Variants in TAMM41 observed in about 807,000 individuals in gnomAD.
The protein encoded by TAMM41 is TAM41 mitochondrial translocator assembly and maintenance homolog, also known as phosphatidate cytidylyltransferase, mitochondrial.
Under a neutral mutation model 44.1 loss-of-function variants are expected in TAMM41, and 36 were observed. That is an observed-to-expected ratio of 0.82 (90% CI 0.63 to 1.08). TAMM41 has a LOEUF of 1.08. Among genes scored for constraint, TAMM41 ranks in the 50% least tolerant of loss-of-function variants. TAMM41 has a pLI of 0.00. For missense variants in TAMM41, 417 were observed against 404.3 expected (o/e 1.03, Z -0.27); for synonymous variants, 164 against 153.1 (o/e 1.07, Z -0.53).
the TAMM41 span, among the ~76,000 whole-genome samples, chr3:11,764,454 C>A: frequency 6.6e-6 from 1 of 150,636 alleles, no homozygotes; most frequent in African/African-American, 2.5e-5. Context: ...CCCAGGGTAA[C>A]CAGCAAGGTC....
the TAMM41 span, among the ~76,000 whole-genome samples, chr3:11,734,291 G>A: frequency 1.6e-3 from 239 of 152,294 alleles, 1 homozygote; most frequent in Admixed American, 0.015. Context: ...GGGAGGAGTA[G>A]AATTATCCTT....
chr3:11,806,639 T>G (rs1300198368), intron 7 of TAMM41, among the ~76,000 whole-genome samples: 1 of 151,442 alleles, frequency 6.6e-6, no homozygotes, highest in East Asian at 1.9e-4. Context: ...TAAAAGGAGT[T>G]CCAGAAAGAG....
At chr3:11,751,439 G>C in the TAMM41 span, among the ~76,000 whole-genome samples, 2 of 152,176 alleles carry the variant, frequency 1.3e-5, no homozygotes, top group African/African-American at 4.8e-5. Flanking sequence ...GACATCCTTA[G>C]CTCTGATTTG....
intron 7 of TAMM41, among the ~76,000 whole-genome samples, chr3:11,803,216 G>C (rs142742344): frequency 6.6e-6 from 1 of 152,158 alleles, no homozygotes; most frequent in Non-Finnish European, 1.5e-5. Context: ...AGGTTGCTGC[G>C]AGCTGAGATT....
chr3:11,722,364 A>C, the TAMM41 span, among the ~76,000 whole-genome samples: 7 of 125,524 alleles, frequency 5.6e-5, no homozygotes, highest in African/African-American at 3.8e-4. Flanking sequence ...CACTCAAGTT[A>C]CTGTAAGAAA....
intron 3 of TAMM41, among the ~76,000 whole-genome samples, chr3:11,831,415 C>T (rs982730252): frequency 1.3e-5 from 2 of 152,160 alleles, no homozygotes; most frequent in Admixed American, 1.3e-4. Flanking sequence ...CTTTTAAAAA[C>T]ATCATACTGT....
chr3:11,827,233 C>G (rs1039219746), intron 4 of TAMM41, among the ~76,000 whole-genome samples: 16 of 152,162 alleles, frequency 1.1e-4, no homozygotes, highest in Admixed American at 2.0e-4. Context: ...GCATTTGGTG[C>G]TCCTTTCCTG....
chr3:11,791,652 A>G (rs1260005659), intron 7 of TAMM41, among the ~76,000 whole-genome samples: 1 of 152,174 alleles, frequency 6.6e-6, no homozygotes, highest in East Asian at 1.9e-4. Flanking sequence ...CATGCCTAGC[A>G]CTGGGGTTTG....
chr3:11,794,870 C>T (rs150689767), intron 7 of TAMM41, among the ~76,000 whole-genome samples: 167 of 152,258 alleles, frequency 1.1e-3, no homozygotes, highest in African/African-American at 3.9e-3. Context: ...TTAGTATCCC[C>T]AAAACATCCT....
At chr3:11,792,017 C>T (rs1359570361) in intron 7 of TAMM41, among the ~76,000 whole-genome samples, 1 of 152,150 alleles carries the variant, frequency 6.6e-6, no homozygotes, top group South Asian at 2.1e-4. Flanking sequence ...GGTAGTTATA[C>T]ATGGAAAGGT....
the TAMM41 span, among the ~76,000 whole-genome samples, chr3:11,763,833 G>A: frequency 6.6e-6 from 1 of 152,292 alleles, no homozygotes; most frequent in African/African-American, 2.4e-5. Context: ...CCATTTCTAA[G>A]CCTTCTGTTG....
At chr3:11,845,277 G>A (rs420537) in intron 1 of TAMM41, among the ~76,000 whole-genome samples, 58,559 of 151,962 alleles carry the variant, frequency 0.39, 12,050 homozygotes, top group Middle Eastern at 0.57. Context: ...TAGCTAAGGC[G>A]CTAAGGATGG....
intron 4 of TAMM41, among the ~76,000 whole-genome samples, chr3:11,818,130 T>C (rs2078357571): frequency 6.6e-6 from 1 of 152,180 alleles, no homozygotes. Context: ...CAGAACCTTC[T>C]GAGTCAAGCG....
At chr3:11,772,852 T>C in the TAMM41 span, among the ~76,000 whole-genome samples, 2 of 152,186 alleles carry the variant, frequency 1.3e-5, no homozygotes, top group Non-Finnish European at 2.9e-5. Flanking sequence ...TCCTGCCAAG[T>C]AGGGTCTTTA....
At position 11,817,079 on chromosome 3, in the gene TAMM41, CT is replaced by C. The variant is rs376959471; in HGVS notation, c.708+112del. The C allele has an allele frequency of 2.9e-4, 338 of 1,185,912 alleles. 2 individuals are homozygous for C. The African/African-American group carries it at 4.4e-3, about 16-fold the overall frequency. The allele number at this position is 1,185,912 out of a possible 1,614,324, so 73.5% of individuals were successfully genotyped here. ...AGCCTATGTTTACATACAGTACTTA[CT>C]TTTTAAACTATAAATGTTCTCACAC... On this transcript the variant is annotated intron_variant, in intron 5 of 7. Coordinates refer to ENST00000455809, the MANE Select transcript of TAMM41 (RefSeq NM_001284401.2).
chr3:11,760,744 A>G, the TAMM41 span, among the ~76,000 whole-genome samples: 1 of 151,346 alleles, frequency 6.6e-6, no homozygotes, highest in African/African-American at 2.4e-5. Flanking sequence ...TATTTTTAGT[A>G]GGGATGGGGT....
chr3:11,804,054 C>T (rs1049909534), intron 7 of TAMM41, among the ~76,000 whole-genome samples: 21 of 152,080 alleles, frequency 1.4e-4, no homozygotes, highest in African/African-American at 4.8e-4. Context: ...CACTTGTATT[C>T]CTTAAACGTT....
chr3:11,757,787 C>T, the TAMM41 span, among the ~76,000 whole-genome samples: 1 of 152,208 alleles, frequency 6.6e-6, no homozygotes, highest in East Asian at 1.9e-4. Flanking sequence ...CATACCAGTG[C>T]AGGGTGACAA....
intron 1 of TAMM41, among the ~76,000 whole-genome samples, chr3:11,846,193 C>A (rs2079679327): frequency 6.6e-6 from 1 of 152,216 alleles, no homozygotes; most frequent in South Asian, 2.1e-4. Flanking sequence ...GATGTCCAGC[C>A]GACTAAAACA....
Sources: allele counts gnomAD v4.1 joint callset (sites outside exome capture counted in the v4.1 genomes callset), GRCh38; gene constraint gnomAD v4.1.1; transcripts MANE v1.5; gene names NCBI Gene and HGNC (gene_info 2026-07-23, HGNC 2026-07-21).